ADAMTS2: variants seen among roughly 807,000 people sequenced by gnomAD.
ADAMTS2 encodes A disintegrin and metalloproteinase with thrombospondin motifs 2.
A neutral mutation model predicts 123.0 loss-of-function variants in ADAMTS2; 50 were observed. The ratio of observed to expected loss-of-function variants is 0.41; its 90% CI spans 0.32 to 0.51. The LOEUF is 0.51. Ranked by LOEUF, ADAMTS2 falls within the 20% of genes least tolerant of loss-of-function variation. The pLI is 0.35. For missense variants in ADAMTS2, 1,494 were observed against 1,705.2 expected (o/e 0.88, Z 2.18); for synonymous variants, 678 against 695.4 (o/e 0.98, Z 0.39).
intron 3 of ADAMTS2, among the ~76,000 whole-genome samples, chr5:179,261,735 A>G (rs1202433904): frequency 6.6e-6 from 1 of 152,184 alleles, no homozygotes; most frequent in Non-Finnish European, 1.5e-5. Context: ...AGGCAGCCAC[A>G]CACCCTGCCC....
intron 4 of ADAMTS2, among the ~76,000 whole-genome samples, chr5:179,200,327 CA>C (rs1764533308): frequency 6.6e-6 from 1 of 150,590 alleles, no homozygotes; most frequent in African/African-American, 2.5e-5. Context: ...CAGCTCACCG[CA>C]ACCTCCGCCT....
rs116271157 is a variant in ADAMTS2 at position 179,290,983 on chromosome 5, C to T, written c.535-17919G>A. ...CTTCAGGGCACTCTCCAACCCTCTG[C>T]CCTGTGCATGGGGCCACGGATGCCC... is the stretch of plus-strand genomic sequence containing the variant. On this transcript the variant is annotated intron_variant, in intron 2 of 21. Coordinates refer to ENST00000251582, the MANE Select transcript of ADAMTS2 (RefSeq NM_014244.5). Among the ~76,000 whole-genome samples, 771 of 152,350 alleles carry T rather than the reference C, an allele frequency of 5.1e-3. 11 individuals carry two copies. Among genetic ancestry groups the T allele is most frequent in the East Asian group, 0.037 (193 of 5,186 alleles).
intron 3 of ADAMTS2, among the ~76,000 whole-genome samples, chr5:179,210,178 C>T (rs1396438): frequency 0.12 from 18,915 of 152,302 alleles, 1,481 homozygotes; most frequent in Non-Finnish European, 0.18. Flanking sequence ...GCTTGGCTCA[C>T]CAGGCCACCT....
At chr5:179,287,972 C>T (rs1266320087) in intron 2 of ADAMTS2, among the ~76,000 whole-genome samples, 2 of 152,388 alleles carry the variant, frequency 1.3e-5, no homozygotes, top group Non-Finnish European at 2.9e-5. Context: ...CTCAAAGCCT[C>T]GGTTCCCCCA....
At chr5:179,216,435 G>C (rs542590092) in intron 3 of ADAMTS2, among the ~76,000 whole-genome samples, 5 of 152,280 alleles carry the variant, frequency 3.3e-5, no homozygotes, top group Non-Finnish European at 7.4e-5. Flanking sequence ...CCCACCGAGA[G>C]CTGGAGGCAG....
intron 3 of ADAMTS2, among the ~76,000 whole-genome samples, chr5:179,220,204 G>A (rs1294108428): frequency 6.6e-6 from 1 of 152,214 alleles, no homozygotes. Context: ...GTGAACTTCA[G>A]AACAAAACGA....
chr5:179,194,931 C>T (rs933333001), intron 4 of ADAMTS2, among the ~76,000 whole-genome samples: 1 of 152,200 alleles, frequency 6.6e-6, no homozygotes, highest in Non-Finnish European at 1.5e-5. Flanking sequence ...CGCTCCCGCT[C>T]TCCAAGCCCC....
Position 179,117,002 on chromosome 5 carries a change from G to A in ADAMTS2, c.3179-2678C>T, listed in dbSNP as rs574992488. Among the ~76,000 whole-genome samples, 1 of 152,320 alleles carries A rather than the reference G, an allele frequency of 6.6e-6. No homozygotes were observed. The highest frequency in any genetic ancestry group is 2.1e-4 in the South Asian group (1 of 4,826). ...AATCGGAAGATCCTGAGATGTGGCT[G>A]TCAGGATTTTGAAACTGGCAGAAGG... is the stretch of plus-strand genomic sequence containing the variant. On this transcript the variant is annotated intron_variant, in intron 21 of 21. Transcript: ENST00000251582. This position sits in a 1 kb window ranked among gnomAD's most constrained non-coding sequence, Gnocchi z 4.2.
chr5:179,207,129 T>G (rs1201526563), intron 4 of ADAMTS2, among the ~76,000 whole-genome samples: 1 of 152,192 alleles, frequency 6.6e-6, no homozygotes, highest in African/African-American at 2.4e-5. Flanking sequence ...ATATTAGCTT[T>G]TCAGGTAAAA....
At position 179,272,283 on chromosome 5, in the gene ADAMTS2, C is replaced by A. The variant is rs929959918; in HGVS notation, c.688+628G>T. Among the ~76,000 whole-genome samples, 1 of 152,200 alleles carries A rather than the reference C, an allele frequency of 6.6e-6. No individual in the cohort carries two copies. The highest frequency in any genetic ancestry group is 6.5e-5 in the Admixed American group (1 of 15,276). On this transcript the variant is annotated intron_variant, in intron 3 of 21. Transcript: ENST00000251582. This position sits in a 1 kb window ranked among gnomAD's most constrained non-coding sequence, Gnocchi z 5.8. Reference sequence around the variant, plus strand: ...TTCACGTTTCTGGGCCCAGGGCACACGTGGGTTCTGAGTTGAAAAAGACAG... The same window carrying A: ...TTCACGTTTCTGGGCCCAGGGCACAAGTGGGTTCTGAGTTGAAAAAGACAG...
chr5:179,259,223 T>C (rs896371107), intron 3 of ADAMTS2, among the ~76,000 whole-genome samples: 1 of 152,108 alleles, frequency 6.6e-6, no homozygotes, highest in Non-Finnish European at 1.5e-5. Context: ...TCTGCTGCCC[T>C]GGCCCCTTTT....
At chr5:179,337,008 C>T (rs967408441) in intron 2 of ADAMTS2, among the ~76,000 whole-genome samples, 4 of 152,214 alleles carry the variant, frequency 2.6e-5, no homozygotes, top group African/African-American at 9.7e-5. Flanking sequence ...GCCCTGGAGT[C>T]GTCGTGCAGT....
At position 179,239,423 on chromosome 5, in the gene ADAMTS2, G is replaced by A. The variant is rs1050981399; in HGVS notation, c.689-31708C>T. Among the ~76,000 whole-genome samples the A allele has an allele frequency of 3.9e-5, 6 of 152,260 alleles. No homozygotes were observed. In the South Asian group the frequency reaches 1.2e-3, roughly 32 times the overall value. ...CTGGGGAAGGCCGAGGGTGGAGTGC[G>A]GAGAGGGTGAGCGCGAGTTCAGTGA... is the stretch of plus-strand genomic sequence containing the variant. On this transcript the variant is annotated intron_variant, in intron 3 of 21. Coordinates refer to ENST00000251582, the MANE Select transcript of ADAMTS2 (RefSeq NM_014244.5).
At chr5:179,222,088 G>T (rs1303535445) in intron 3 of ADAMTS2, among the ~76,000 whole-genome samples, 1 of 152,138 alleles carries the variant, frequency 6.6e-6, no homozygotes, top group South Asian at 2.1e-4. Context: ...AGGGACGGGG[G>T]TTCCTCCCAT....
At chr5:179,192,526 T>C (rs867834674) in intron 4 of ADAMTS2, among the ~76,000 whole-genome samples, 1 of 152,168 alleles carries the variant, frequency 6.6e-6, no homozygotes, top group Middle Eastern at 3.2e-3. Context: ...TGCCCACCGC[T>C]ACACAGGAAA....
chr5:179,278,555 TG>T (rs1276137669), intron 2 of ADAMTS2, among the ~76,000 whole-genome samples: 1 of 152,142 alleles, frequency 6.6e-6, no homozygotes, highest in East Asian at 1.9e-4. Flanking sequence ...GTTGGGAGCC[TG>T]CTGGTGGCCT....
rs1762927766 is a variant in ADAMTS2, at chr5:179,129,836, C to T, written c.2457+96G>A. 6.5e-7 allele frequency: 1 copy of T among 1,537,478 alleles called. No individual in the cohort carries two copies. The highest frequency in any genetic ancestry group is 1.4e-5 in the African/African-American group (1 of 73,564). On this transcript the variant is annotated intron_variant, in intron 16 of 21. Transcript: ENST00000251582. This position sits in a 1 kb window ranked among gnomAD's most constrained non-coding sequence, Gnocchi z 4.1. ...GCCAAAGGGGCCACGCAGAGTGTCACCTGAAGGGTCAGGAGGCTCAGCGTC... is the reference window on the plus strand; with the variant it reads ...GCCAAAGGGGCCACGCAGAGTGTCATCTGAAGGGTCAGGAGGCTCAGCGTC...
intron 3 of ADAMTS2, among the ~76,000 whole-genome samples, chr5:179,257,294 A>T (rs1581224788): frequency 6.6e-6 from 1 of 152,204 alleles, no homozygotes; most frequent in East Asian, 1.9e-4. Flanking sequence ...GACGTTCTGG[A>T]CACAAGGGCA....
intron 5 of ADAMTS2, among the ~76,000 whole-genome samples, chr5:179,163,384 G>C (rs1763636060): frequency 6.6e-6 from 1 of 152,232 alleles, no homozygotes; most frequent in South Asian, 2.1e-4. Context: ...CACAGCTGAA[G>C]GGAGCAACAT....
Sources: allele counts gnomAD v4.1 joint callset (sites outside exome capture counted in the v4.1 genomes callset), GRCh38; gene constraint gnomAD v4.1.1; non-coding constraint Gnocchi (gnomAD v3.1); transcripts MANE v1.5; gene names NCBI Gene and HGNC (gene_info 2026-07-23, HGNC 2026-07-21).